Variants in PRKG1 observed in about 807,000 individuals in gnomAD.
The protein encoded by PRKG1 is protein kinase cGMP-dependent 1, also known as cGMP-dependent protein kinase 1.
PRKG1 carries 35 observed loss-of-function variants against 88.1 expected under a neutral mutation model. The ratio of observed to expected loss-of-function variants is 0.40; its 90% CI spans 0.30 to 0.53. The LOEUF (loss-of-function observed/expected upper bound fraction) is 0.53. Ranked by LOEUF, PRKG1 falls within the 20% of genes least tolerant of loss-of-function variation. The probability of loss-of-function intolerance (pLI) is 0.59; values close to 1 mark genes in which losing one functional copy is unlikely to be tolerated. For missense variants in PRKG1, 540 were observed against 839.8 expected (o/e 0.64, Z 4.41); for synonymous variants, 303 against 292.5 (o/e 1.04, Z -0.37).
intron 5 of PRKG1, among the ~76,000 whole-genome samples, chr10:52,046,414 C>T (rs4256924): frequency 3.3e-5 from 5 of 151,912 alleles, no homozygotes; most frequent in East Asian, 3.9e-4. Context: ...CTGCCTGCCT[C>T]GGAAAAGCTT....
chr10:51,312,030 C>T (rs145851040), intron 2 of PRKG1, among the ~76,000 whole-genome samples: 5,507 of 152,094 alleles, frequency 0.036, 324 homozygotes, highest in African/African-American at 0.12. Flanking sequence ...TGCCACCACA[C>T]CCGGCTAATT....
At chr10:51,830,588 G>A (rs1216277733) in intron 4 of PRKG1, among the ~76,000 whole-genome samples, 5 of 121,192 alleles carry the variant, frequency 4.1e-5, no homozygotes, top group African/African-American at 1.6e-4. Context: ...TTGAGTCACA[G>A]TCTCACTCTG....
intron 1 of PRKG1, among the ~76,000 whole-genome samples, chr10:51,130,896 G>A (rs573125619): frequency 1.3e-5 from 2 of 151,934 alleles, no homozygotes; most frequent in Non-Finnish European, 2.9e-5. Context: ...GCAACAGAGC[G>A]AGACTCCATC....
intron 5 of PRKG1, among the ~76,000 whole-genome samples, chr10:52,053,276 AG>A (rs1846033823): frequency 6.6e-6 from 1 of 152,118 alleles, no homozygotes; most frequent in Non-Finnish European, 1.5e-5. Context: ...ATTACTTTTG[AG>A]TAAAAAAACT....
In PRKG1 at chr10:51,060,970, G is replaced by A. The variant is rs1016831322; in HGVS notation, c.266+69326G>A. Among the ~76,000 whole-genome samples, 4 of 151,364 alleles carry A rather than the reference G, an allele frequency of 2.6e-5. No individual in the cohort carries two copies. The East Asian group carries it at 7.7e-4, about 29-fold the overall frequency. On this transcript the variant is annotated intron_variant, in intron 1 of 17. Transcript: ENST00000401604. ...TCAGTTAAAAAGCTGTTATCTTATT[G>A]TTCCTTTGAAGGTTGCAGATATTTT...
At chr10:51,344,864 T>A (rs1842079646) in intron 2 of PRKG1, among the ~76,000 whole-genome samples, 4 of 152,202 alleles carry the variant, frequency 2.6e-5, no homozygotes, top group Admixed American at 2.6e-4. Context: ...CCCCGATGAA[T>A]TAGTGCAAAT....
At chr10:51,784,249 C>T (rs923835131) in intron 3 of PRKG1, among the ~76,000 whole-genome samples, 1 of 152,064 alleles carries the variant, frequency 6.6e-6, no homozygotes, top group Middle Eastern at 3.4e-3. Context: ...AGGATTGGGC[C>T]CTTCAGCTCT....
At chr10:51,259,136 T>G (rs1344742105) in intron 2 of PRKG1, among the ~76,000 whole-genome samples, 1 of 152,332 alleles carries the variant, frequency 6.6e-6, no homozygotes, top group South Asian at 2.1e-4. Flanking sequence ...CAGCATATTT[T>G]TGTACATGGG....
intron 14 of PRKG1, among the ~76,000 whole-genome samples, chr10:52,283,709 A>T (rs752611393): frequency 1.4e-4 from 22 of 152,094 alleles, no homozygotes; most frequent in Non-Finnish European, 2.8e-4. Context: ...CCAATTAAGT[A>T]GACCTGTAAA....
chr10:51,918,856 T>C (rs1243557668), intron 5 of PRKG1, among the ~76,000 whole-genome samples: 1 of 150,318 alleles, frequency 6.7e-6, no homozygotes, highest in Non-Finnish European at 1.5e-5. Flanking sequence ...TATTTTTTTT[T>C]CTTAATCCGA....
intron 4 of PRKG1, among the ~76,000 whole-genome samples, chr10:51,846,346 A>G (rs1010236846): frequency 1.4e-4 from 21 of 152,194 alleles, no homozygotes; most frequent in Admixed American, 1.1e-3. Flanking sequence ...CCAATCCTTG[A>G]TTATATGTTT....
At chr10:51,859,900 A>G (rs141999518) in intron 4 of PRKG1, among the ~76,000 whole-genome samples, 1 of 152,152 alleles carries the variant, frequency 6.6e-6, no homozygotes, top group Non-Finnish European at 1.5e-5. Context: ...AGCTCCTTAG[A>G]TCAGGGATAT....
chr10:51,425,607 A>G (rs929166066), intron 2 of PRKG1, among the ~76,000 whole-genome samples: 1 of 152,154 alleles, frequency 6.6e-6, no homozygotes, highest in East Asian at 1.9e-4. Context: ...CTTGGGGTTC[A>G]TTAGAGTCTG....
chr10:51,992,681 TACTTAG>T lies in PRKG1; in HGVS notation c.763-61800_763-61795del, dbSNP rs1250490596. Among the ~76,000 whole-genome samples, 8 of 152,316 alleles carry T rather than the reference TACTTAG, an allele frequency of 5.3e-5. No individual in the cohort carries two copies. In the East Asian group the frequency reaches 1.5e-3, roughly 29 times the overall value. ...AATAATGCAGTTTTGTCTTCTGGCT[TACTTAG>T]ACATCCAGGCCTAAAATTATGTAGC... is the stretch of plus-strand genomic sequence containing the variant. On this transcript the variant is annotated intron_variant, in intron 5 of 17. Transcript: ENST00000373980.
At chr10:51,342,269 G>A (rs1588861229) in intron 2 of PRKG1, among the ~76,000 whole-genome samples, 1 of 152,276 alleles carries the variant, frequency 6.6e-6, no homozygotes, top group East Asian at 1.9e-4. Flanking sequence ...ACAACAGCGG[G>A]TAATTGGGTC....
chr10:51,165,693 G>A (rs932241515), intron 2 of PRKG1, among the ~76,000 whole-genome samples: 16 of 152,186 alleles, frequency 1.1e-4, no homozygotes, highest in Admixed American at 2.0e-4. Context: ...ATAAAAGGAT[G>A]GAGGAAGATC....
intron 3 of PRKG1, among the ~76,000 whole-genome samples, chr10:51,655,146 G>C (rs1203592711): frequency 6.6e-6 from 1 of 152,090 alleles, no homozygotes; most frequent in Non-Finnish European, 1.5e-5. Context: ...AAATCAAGGA[G>C]GGCTTAATTG....
chr10:51,640,299 A>G (rs1483864544), intron 3 of PRKG1, among the ~76,000 whole-genome samples: 2 of 152,224 alleles, frequency 1.3e-5, no homozygotes, highest in Non-Finnish European at 2.9e-5. Context: ...GTAGTCCCTG[A>G]TAAGAACTAC....
At chr10:51,796,176 G>T (rs1839005460) in intron 3 of PRKG1, among the ~76,000 whole-genome samples, 1 of 152,034 alleles carries the variant, frequency 6.6e-6, no homozygotes, top group African/African-American at 2.4e-5. Context: ...AGGAACAAAA[G>T]AAATGTGTAA....
Sources: allele counts gnomAD v4.1 joint callset (sites outside exome capture counted in the v4.1 genomes callset), GRCh38; gene constraint gnomAD v4.1.1; transcripts MANE v1.5; gene names NCBI Gene and HGNC (gene_info 2026-07-23, HGNC 2026-07-21).